DPYD: variants seen among roughly 807,000 people sequenced by gnomAD.
DPYD encodes dihydropyrimidine dehydrogenase, also known as dihydropyrimidine dehydrogenase [NADP(+)].
A neutral mutation model predicts 116.2 loss-of-function variants in DPYD; 109 were observed. The observed-to-expected ratio is 0.94, with a 90% CI of 0.80 to 1.10. The LOEUF is 1.10. Among genes scored for constraint, DPYD ranks in the 50% least tolerant of loss-of-function variants. The pLI, the probability that DPYD is intolerant of heterozygous loss-of-function variation, is 0.00. For missense variants in DPYD, 1,302 were observed against 1,254.5 expected (o/e 1.04, Z -0.57); for synonymous variants, 440 against 432.0 (o/e 1.02, Z -0.23).
chr1:97,719,153 C>A (rs970667129), intron 5 of DPYD, among the ~76,000 whole-genome samples: 10 of 145,792 alleles, frequency 6.9e-5, no homozygotes, highest in African/African-American at 2.0e-4. Context: ...CAAGATCCAC[C>A]CCCAACCCTG....
At chr1:97,275,444 A>G (rs1343145745) in intron 18 of DPYD, among the ~76,000 whole-genome samples, 5 of 151,878 alleles carry the variant, frequency 3.3e-5, no homozygotes, top group Non-Finnish European at 7.4e-5. Context: ...AAGAGGTTCT[A>G]CTCCCAATTT....
At chr1:97,897,055 G>T (rs1159284634) in intron 1 of DPYD, among the ~76,000 whole-genome samples, 2 of 151,786 alleles carry the variant, frequency 1.3e-5, no homozygotes, top group African/African-American at 4.8e-5. Flanking sequence ...TTTGCCTGAA[G>T]GATGTGATTT....
intron 13 of DPYD, among the ~76,000 whole-genome samples, chr1:97,450,459 G>A (rs1349415704): frequency 6.6e-6 from 1 of 152,032 alleles, no homozygotes; most frequent in Non-Finnish European, 1.5e-5. Flanking sequence ...GTTTAGAATA[G>A]CGCAAAAATA....
intron 10 of DPYD, among the ~76,000 whole-genome samples, chr1:97,590,515 C>T (rs1037911104): frequency 6.6e-6 from 1 of 152,132 alleles, no homozygotes; most frequent in African/African-American, 2.4e-5. Context: ...TCTCATGAAG[C>T]TCAAGGTCAA....
intron 12 of DPYD, among the ~76,000 whole-genome samples, chr1:97,538,563 A>C (rs1358060671): frequency 6.6e-6 from 1 of 152,202 alleles, no homozygotes; most frequent in Non-Finnish European, 1.5e-5. Context: ...TAAGCAGTAG[A>C]AAAGTAGGTC....
intron 13 of DPYD, among the ~76,000 whole-genome samples, chr1:97,479,310 A>C (rs141590460): frequency 0.017 from 2,589 of 152,296 alleles, 38 homozygotes; most frequent in Non-Finnish European, 0.026. Flanking sequence ...CTCTCACTTG[A>C]ACACTTAGAG....
At chr1:97,869,090 C>A (rs1273190773) in intron 2 of DPYD, among the ~76,000 whole-genome samples, 1 of 151,776 alleles carries the variant, frequency 6.6e-6, no homozygotes, top group Non-Finnish European at 1.5e-5. Flanking sequence ...GGCCACCCTG[C>A]AGCACCAAGC....
intron 19 of DPYD, among the ~76,000 whole-genome samples, chr1:97,213,962 A>C (rs937323698): frequency 2.0e-5 from 3 of 152,090 alleles, no homozygotes; most frequent in African/African-American, 7.2e-5. Context: ...TCTGCTTGTC[A>C]AATCCCTTTC....
chr1:97,288,484 G>A (rs1379703674), intron 18 of DPYD, among the ~76,000 whole-genome samples: 93 of 152,108 alleles, frequency 6.1e-4, no homozygotes, highest in African/African-American at 2.1e-3. Flanking sequence ...ATAACAAACT[G>A]TCTCTCAGAC....
At chr1:97,564,318 C>CT (rs1221048131) in intron 11 of DPYD, among the ~76,000 whole-genome samples, 1 of 151,960 alleles carries the variant, frequency 6.6e-6, no homozygotes, top group African/African-American at 2.4e-5. Flanking sequence ...AAAAGCTGAC[C>CT]TTTTTTCTCT....
chr1:97,543,638 A>T (rs181968808), intron 12 of DPYD, among the ~76,000 whole-genome samples: 2,133 of 152,232 alleles, frequency 0.014, 24 homozygotes, highest in Middle Eastern at 0.027. Context: ...CATTACAGAA[A>T]TTTTTTTAAC....
chr1:97,096,235 C>T (rs572096209), intron 21 of DPYD, among the ~76,000 whole-genome samples: 5 of 152,196 alleles, frequency 3.3e-5, no homozygotes, highest in African/African-American at 1.2e-4. Context: ...CATGCAACCA[C>T]AGATTTTTTG....
Position 97,891,104 on chromosome 1 carries a change from A to G in DPYD, c.40-7730T>C, listed in dbSNP as rs1033186899. On this transcript the variant is annotated intron_variant, in intron 1 of 22. Coordinates refer to ENST00000370192, the MANE Select transcript of DPYD (RefSeq NM_000110.4). ...AAAATACAAGACATGAGTGGTTCAGAGCTGTTAAAAATAATTTTCCAAAGC... is the reference window on the plus strand; with the variant it reads ...AAAATACAAGACATGAGTGGTTCAGGGCTGTTAAAAATAATTTTCCAAAGC... Among the ~76,000 whole-genome samples, 3 of 152,118 alleles carry G rather than the reference A, an allele frequency of 2.0e-5. No individual in the cohort carries two copies. The East Asian group carries it at 5.8e-4, about 30-fold the overall frequency.
chr1:97,880,331 G>C (rs929415870), intron 2 of DPYD, among the ~76,000 whole-genome samples: 1 of 150,852 alleles, frequency 6.6e-6, no homozygotes, highest in Non-Finnish European at 1.5e-5. Context: ...TGGCTAGCTA[G>C]TGGGGATAAA....
At chr1:97,257,925 A>T (rs1663611499) in intron 18 of DPYD, among the ~76,000 whole-genome samples, 1 of 152,132 alleles carries the variant, frequency 6.6e-6, no homozygotes, top group Non-Finnish European at 1.5e-5. Context: ...AAATCAGAGA[A>T]AAGTGTATTG....
intron 8 of DPYD, among the ~76,000 whole-genome samples, chr1:97,656,457 C>A (rs1658909144): frequency 6.6e-6 from 1 of 152,124 alleles, no homozygotes; most frequent in South Asian, 2.1e-4. Context: ...CCACAGCTAC[C>A]TGGTACTACC....
chr1:97,230,225 A>G (rs933684541), intron 19 of DPYD, among the ~76,000 whole-genome samples: 1 of 152,216 alleles, frequency 6.6e-6, no homozygotes, highest in Non-Finnish European at 1.5e-5. Context: ...AAAGACATGG[A>G]ATCAACCTAA....
intron 20 of DPYD, among the ~76,000 whole-genome samples, chr1:97,124,490 A>C (rs1341883782): frequency 6.6e-6 from 1 of 152,108 alleles, no homozygotes; most frequent in Non-Finnish European, 1.5e-5. Flanking sequence ...GATTTATTCC[A>C]AGCACAGGTT....
intron 13 of DPYD, among the ~76,000 whole-genome samples, chr1:97,493,764 T>G (rs966236967): frequency 6.6e-6 from 1 of 152,142 alleles, no homozygotes; most frequent in African/African-American, 2.4e-5. Context: ...TTAACAAGTT[T>G]CTCATTTCTT....
Sources: gnomAD v4.1 joint callset for allele counts (sites outside exome capture counted in the v4.1 genomes callset) on GRCh38, gnomAD v4.1.1 for gene constraint, MANE v1.5 for transcripts, NCBI Gene and HGNC (gene_info 2026-07-23, HGNC 2026-07-21) for gene names.